Variants in COL14A1 observed in about 807,000 individuals in gnomAD.
COL14A1 encodes the protein collagen type XIV alpha 1 chain, also known as collagen alpha-1(XIV) chain.
COL14A1 carries 136 observed loss-of-function variants against 230.3 expected under a neutral mutation model. The observed-to-expected ratio is 0.59, with a 90% CI of 0.51 to 0.68. COL14A1 has a LOEUF of 0.68. Among genes scored for constraint, COL14A1 ranks in the 30% least tolerant of loss-of-function variants. The pLI, the probability that COL14A1 is intolerant of heterozygous loss-of-function variation, is 0.00. For synonymous variants in COL14A1, 792 were observed against 784.1 expected (o/e 1.01, Z -0.17); for missense variants, 1,976 against 2,215.8 (o/e 0.89, Z 2.17).
intron 9 of COL14A1, among the ~76,000 whole-genome samples, chr8:120,205,315 C>A (rs189120316): frequency 6.6e-6 from 1 of 152,064 alleles, no homozygotes; most frequent in Non-Finnish European, 1.5e-5. Flanking sequence ...GGGAGCTCAC[C>A]GCTGGGAGCT....
intron 3 of COL14A1, 110 bp from the exon 4 acceptor site, chr8:120,162,316 C>G: frequency 1.2e-6 from 1 of 819,762 alleles, no homozygotes; most frequent in Non-Finnish European, 1.8e-6. Flanking sequence ...AAACACATTT[C>G]AAAAAATGCC....
intron 5 of COL14A1, among the ~76,000 whole-genome samples, chr8:120,191,907 C>T (rs1816839594): frequency 6.6e-6 from 1 of 151,990 alleles, no homozygotes; most frequent in African/African-American, 2.4e-5. Context: ...GGTAGATCTT[C>T]CTCCATCCTT....
chr8:120,262,739 A>G (rs988190921), intron 23 of COL14A1, 129 bp from the exon 24 acceptor site: 4 of 804,034 alleles, frequency 5.0e-6, no homozygotes, highest in Admixed American at 3.3e-5. Context: ...TCAAACAAAT[A>G]TAACTCATTC....
At chr8:120,128,642 G>A (rs1001635771) in intron 1 of COL14A1, among the ~76,000 whole-genome samples, 2 of 152,122 alleles carry the variant, frequency 1.3e-5, no homozygotes, top group African/African-American at 4.8e-5. Context: ...GGCTGAGGCG[G>A]GCATTGAGAA....
intron 13 of COL14A1, among the ~76,000 whole-genome samples, chr8:120,214,319 T>A (rs1269872774): frequency 2.6e-5 from 4 of 152,340 alleles, no homozygotes; most frequent in African/African-American, 9.6e-5. Flanking sequence ...ATTGCAACTC[T>A]ATCCTTGCAT....
intron 40 of COL14A1, among the ~76,000 whole-genome samples, chr8:120,322,539 C>T (rs1211489266): frequency 6.6e-6 from 1 of 152,104 alleles, no homozygotes; most frequent in African/African-American, 2.4e-5. Context: ...GATTTTCTCC[C>T]TCCTCCCATC....
At chr8:120,255,836 A>G (rs1586808912) in intron 23 of COL14A1, among the ~76,000 whole-genome samples, 4 of 151,426 alleles carry the variant, frequency 2.6e-5, no homozygotes, top group East Asian at 1.9e-4. Context: ...CATTCCAGAG[A>G]TTTAATGTAT....
intron 22 of COL14A1, among the ~76,000 whole-genome samples, chr8:120,253,245 G>A (rs1025122230): frequency 6.6e-6 from 1 of 152,098 alleles, no homozygotes; most frequent in Non-Finnish European, 1.5e-5. Flanking sequence ...CTGACCTCAG[G>A]TGATCCACCT....
intron 12 of COL14A1, among the ~76,000 whole-genome samples, chr8:120,210,196 T>C (rs1364346068): frequency 6.6e-6 from 1 of 152,220 alleles, no homozygotes; most frequent in African/African-American, 2.4e-5. Context: ...AGTCATTGTA[T>C]ACACCCATAG....
At chr8:120,289,301 G>A (rs1316510660) in intron 33 of COL14A1, among the ~76,000 whole-genome samples, 1 of 152,140 alleles carries the variant, frequency 6.6e-6, no homozygotes. Context: ...AAAAGGCATG[G>A]CTAGTACAGC....
Position 120,226,676 on chromosome 8 carries a change from C to A in COL14A1, c.1914C>A (p.Asp638Glu). The A allele has an allele frequency of 6.2e-7, 1 of 1,613,842 alleles. No homozygotes were observed. The highest frequency in any genetic ancestry group is 8.5e-7 in the Non-Finnish European group (1 of 1,179,864). Residue 638 changes from aspartate to glutamate, a missense_variant, in exon 16 of 48, where the codon GAC (aspartate) becomes GAA (glutamate). Physicochemically the swap from Asp to Glu is conservative, Grantham distance 45. Coordinates refer to ENST00000297848, the MANE Select transcript of COL14A1 (RefSeq NM_021110.4). ...TAGAAATTGATGAGGTGACGACAGA[C>A]AGTTTTAGGGTGACCTGGCATCCCC... ...QYLEIDEVTT[D>E]SFRVTWHPLS...
rs760992334 is a variant in COL14A1, at chr8:120,203,777, A to G, written c.946A>G (p.Asn316Asp). ...ASEPDSTHVY[N>D]VAEFDLMHTV... is the part of the protein sequence containing the mutation. Reference sequence around the variant, plus strand: ...TGAACCAGACAGCACTCATGTGTACAATGTTGCCGAATTCGATCTGATGCA... The same window carrying G: ...TGAACCAGACAGCACTCATGTGTACGATGTTGCCGAATTCGATCTGATGCA... The change falls in exon 9 of 48, where the codon AAT becomes GAT. Residue 316 changes from asparagine to aspartate, a missense_variant. Transcript: ENST00000297848. 1.7e-5 allele frequency: 28 copies of G among 1,613,792 alleles called. No homozygotes were observed. Among genetic ancestry groups the G allele is most frequent in the Middle Eastern group, 3.3e-4 (2 of 6,084 alleles).
chr8:120,124,946 G>T (rs561184038), upstream of COL14A1, among the ~76,000 whole-genome samples: 5 of 152,186 alleles, frequency 3.3e-5, no homozygotes, highest in Non-Finnish European at 5.9e-5. Flanking sequence ...GCGGCACGGG[G>T]CTGGCTTCTC....
chr8:120,317,418 T>A (rs1821272150), intron 40 of COL14A1, among the ~76,000 whole-genome samples: 1 of 151,906 alleles, frequency 6.6e-6, no homozygotes, highest in African/African-American at 2.4e-5. Context: ...ATGGAATTAG[T>A]CAGTCCGTGA....
chr8:120,172,740 A>G (rs1816135503), intron 5 of COL14A1, among the ~76,000 whole-genome samples: 1 of 152,208 alleles, frequency 6.6e-6, no homozygotes, highest in Admixed American at 6.5e-5. Context: ...CTCCCTTGCT[A>G]GAAAGCAGTT....
At chr8:120,272,296 T>C (rs1259608773) in intron 26 of COL14A1, among the ~76,000 whole-genome samples, 1 of 151,560 alleles carries the variant, frequency 6.6e-6, no homozygotes, top group Non-Finnish European at 1.5e-5. Flanking sequence ...TTAAAAGAAG[T>C]TCTAAATTTG....
rs1355674991 is a variant in COL14A1, at chr8:120,231,608, T to G, written c.2339T>G (p.Val780Gly). ...MTAQGDPEEEVIGTVMVPGSQ... is the reference protein window; with the variant it reads ...MTAQGDPEEEGIGTVMVPGSQ... ...GCTCAAGGGGACCCTGAGGAAGAAG[T>G]CATAGGAACGGTCTGTATAAATTCA... The change falls in exon 19 of 48, where the codon GTC becomes GGC. Residue 780 changes from valine to glycine, a missense_variant. Physicochemically the swap from Val to Gly is moderately radical, Grantham distance 109. Coordinates refer to ENST00000297848, the MANE Select transcript of COL14A1 (RefSeq NM_021110.4). 4.3e-6 allele frequency: 7 copies of G among 1,613,528 alleles called. No individual in the cohort carries two copies. The highest frequency in any genetic ancestry group is 5.9e-6 in the Non-Finnish European group (7 of 1,179,800).
At chr8:120,280,483 T>A (rs1302467251) in intron 29 of COL14A1, among the ~76,000 whole-genome samples, 1 of 152,194 alleles carries the variant, frequency 6.6e-6, no homozygotes, top group Non-Finnish European at 1.5e-5. Flanking sequence ...CCACTGATTT[T>A]AATGAACCCA....
chr8:120,290,481 T>C (rs1230797568), intron 34 of COL14A1, among the ~76,000 whole-genome samples: 1 of 152,184 alleles, frequency 6.6e-6, no homozygotes, highest in East Asian at 1.9e-4. Context: ...TTTGAGTCAT[T>C]CTATAGTGAG....
Sources: gnomAD v4.1 joint callset for allele counts (sites outside exome capture counted in the v4.1 genomes callset) on GRCh38, gnomAD v4.1.1 for gene constraint, MANE v1.5 for transcripts, NCBI Gene and HGNC (gene_info 2026-07-23, HGNC 2026-07-21) for gene names.